The following PDE8B variants were observed in gnomAD, a reference collection of about 807,000 sequenced individuals.
PDE8B encodes the protein phosphodiesterase 8B.
Under a neutral mutation model 101.3 loss-of-function variants are expected in PDE8B, and 26 were observed. The ratio of observed to expected loss-of-function variants is 0.26; its 90% CI spans 0.19 to 0.36. The LOEUF (loss-of-function observed/expected upper bound fraction) is 0.36. PDE8B is among the 10% of genes least tolerant of loss of function. PDE8B has a pLI of 1.00. For synonymous variants in PDE8B, 424 were observed against 429.3 expected (o/e 0.99, Z 0.15); for missense variants, 810 against 1,163.1 (o/e 0.70, Z 4.42).
At chr5:77,269,401 A>C (rs760526220) in intron 1 of PDE8B, among the ~76,000 whole-genome samples, 1 of 152,086 alleles carries the variant, frequency 6.6e-6, no homozygotes, top group South Asian at 2.1e-4. Context: ...TTAGTTTGCA[A>C]ATATTTTCTC....
chr5:77,349,319 T>C (rs550851566), intron 7 of PDE8B, 100 bp from the exon 8 acceptor site: 302 of 1,499,270 alleles, frequency 2.0e-4, no homozygotes, highest in Non-Finnish European at 2.7e-4. Flanking sequence ...TTGCTTGATA[T>C]TCCTCTGGGT....
At chr5:77,186,173 A>T in the PDE8B span, among the ~76,000 whole-genome samples, 4 of 152,190 alleles carry the variant, frequency 2.6e-5, no homozygotes, top group African/African-American at 9.7e-5. Flanking sequence ...AGGCTCTGCC[A>T]CACAAGCTCC....
chr5:77,168,873 G>C, the PDE8B span, among the ~76,000 whole-genome samples: 6 of 152,312 alleles, frequency 3.9e-5, no homozygotes, highest in South Asian at 6.2e-4. Flanking sequence ...CTTTTCACCA[G>C]CTTTGCAATC....
intron 18 of PDE8B, among the ~76,000 whole-genome samples, chr5:77,419,055 G>A (rs1796126620): frequency 6.6e-6 from 1 of 152,226 alleles, no homozygotes; most frequent in Non-Finnish European, 1.5e-5. Context: ...GCTGGTCTAT[G>A]TGAACCTATT....
the PDE8B span, among the ~76,000 whole-genome samples, chr5:77,194,983 T>C: frequency 6.6e-6 from 1 of 152,240 alleles, no homozygotes; most frequent in Non-Finnish European, 1.5e-5. Flanking sequence ...AGTCATATGG[T>C]AACTCTCTTT....
chr5:77,336,424 T>G (rs1252254575), intron 5 of PDE8B, among the ~76,000 whole-genome samples: 1 of 152,208 alleles, frequency 6.6e-6, no homozygotes, highest in East Asian at 1.9e-4. Flanking sequence ...CCAGTCTGCA[T>G]TCTGGCTCAA....
At chr5:77,167,521 C>T in the PDE8B span, among the ~76,000 whole-genome samples, 1 of 152,196 alleles carries the variant, frequency 6.6e-6, no homozygotes, top group Non-Finnish European at 1.5e-5. Flanking sequence ...ATGTGCACAG[C>T]ACTTTCCAGG....
chr5:77,114,996 A>G, the PDE8B span: 1 of 152,094 alleles, frequency 6.6e-6, no homozygotes, highest in Non-Finnish European at 1.5e-5. Flanking sequence ...ATATTTAACA[A>G]TTATATAAAG....
At position 77,295,906 on chromosome 5, in the gene PDE8B, A is replaced by C. The variant is rs545640296; in HGVS notation, c.340-16088A>C. 5.9e-5 allele frequency among the ~76,000 whole-genome samples: 9 copies of C among 152,320 alleles called. No individual in the cohort carries two copies. The South Asian group carries it at 1.7e-3, about 28-fold the overall frequency. ...ATGGTGTCAAGATGTTACGAGAAAC[A>C]ACCTCACTACACATTTCTTTTTGAT... On this transcript the variant is annotated intron_variant, in intron 1 of 21. Coordinates refer to ENST00000264917, the MANE Select transcript of PDE8B (RefSeq NM_003719.5).
chr5:77,326,106 C>T (rs553374264), intron 3 of PDE8B, among the ~76,000 whole-genome samples: 7 of 152,302 alleles, frequency 4.6e-5, no homozygotes, highest in South Asian at 2.1e-4. Context: ...AAATGAACAT[C>T]GGAAATGTGT....
intron 20 of PDE8B, among the ~76,000 whole-genome samples, chr5:77,423,070 A>G (rs1309510594): frequency 6.6e-6 from 1 of 152,174 alleles, no homozygotes; most frequent in African/African-American, 2.4e-5. Context: ...CACTGTGTGT[A>G]CCCAATGTTT....
At chr5:77,397,957 A>G (rs1011105958) in intron 10 of PDE8B, among the ~76,000 whole-genome samples, 1 of 151,420 alleles carries the variant, frequency 6.6e-6, no homozygotes, top group Non-Finnish European at 1.5e-5. Flanking sequence ...CACAATACAA[A>G]AGAGTGCAGT....
intron 1 of PDE8B, among the ~76,000 whole-genome samples, chr5:77,261,577 C>G (rs1273390229): frequency 6.6e-6 from 1 of 152,212 alleles, no homozygotes; most frequent in Non-Finnish European, 1.5e-5. Context: ...GTCTTCTCCC[C>G]ACATCAGAAG....
At chr5:77,168,497 A>T in the PDE8B span, among the ~76,000 whole-genome samples, 98 of 152,038 alleles carry the variant, frequency 6.4e-4, 2 homozygotes, top group Middle Eastern at 0.017. Context: ...CCCTGGTGGG[A>T]CCCCACTCCT....
the PDE8B span, chr5:77,114,674 T>G: frequency 6.6e-6 from 1 of 151,978 alleles, no homozygotes; most frequent in African/African-American, 2.4e-5. Context: ...AAAAAAAGAT[T>G]TAAACATTTT....
chr5:77,228,871 T>C (rs1165350394), intron 1 of PDE8B, among the ~76,000 whole-genome samples: 1 of 152,194 alleles, frequency 6.6e-6, no homozygotes, highest in Non-Finnish European at 1.5e-5. Context: ...AGGTGATAGA[T>C]GAAGAGGGTC....
At chr5:77,106,246 A>G in the PDE8B span, 2 of 152,240 alleles carry the variant, frequency 1.3e-5, no homozygotes, top group African/African-American at 2.4e-5. Flanking sequence ...TGCCTACACT[A>G]AAGTTGCCAA....
Position 77,210,920 on chromosome 5 carries a change from C to T in PDE8B, c.-6C>T, listed in dbSNP as rs753069720. ...GGGCGGGCGCGCGGGGGAGCCCGGC[C>T]GAGGGATGGGCTGCGCCCCCAGCAT... On this transcript the variant is annotated 5_prime_UTR_variant, in exon 1 of 22. Transcript: ENST00000264917. This position sits in a 1 kb window ranked among gnomAD's most constrained non-coding sequence, Gnocchi z 4.9. 1.9e-5 allele frequency: 27 copies of T among 1,409,960 alleles called. No individual in the cohort carries two copies. Among genetic ancestry groups the T allele is most frequent in the Admixed American group, 2.5e-5 (1 of 40,358 alleles). The allele number at this position is 1,409,960 out of a possible 1,614,324, so 87.3% of individuals were successfully genotyped here. A position where few individuals can be genotyped will look rare whatever the true frequency, so the allele number is the denominator to read the frequency against.
chr5:77,138,498 T>G, the PDE8B span, among the ~76,000 whole-genome samples: 3 of 152,246 alleles, frequency 2.0e-5, no homozygotes, highest in African/African-American at 7.2e-5. Context: ...GTAAGCAGGC[T>G]TCTTTCATTC....
Sources: allele counts gnomAD v4.1 joint callset (sites outside exome capture counted in the v4.1 genomes callset), GRCh38; gene constraint gnomAD v4.1.1; non-coding constraint Gnocchi (gnomAD v3.1); transcripts MANE v1.5; gene names NCBI Gene and HGNC (gene_info 2026-07-23, HGNC 2026-07-21).